The following NRCAM variants were observed in gnomAD, a reference collection of about 807,000 sequenced individuals.
The protein encoded by NRCAM is NgCAM-related cell adhesion molecule.
In NRCAM, 83 loss-of-function variants were observed where a neutral mutation model predicts 156.5. The observed-to-expected ratio is 0.53, with a 90% CI of 0.44 to 0.64. The LOEUF (loss-of-function observed/expected upper bound fraction) is 0.64, where lower values mean the gene tolerates loss of function less well. Ranked by LOEUF, NRCAM falls within the 30% of genes least tolerant of loss-of-function variation. The pLI is 0.00. For synonymous variants in NRCAM, 538 were observed against 563.9 expected (o/e 0.95, Z 0.65); for missense variants, 1,417 against 1,597.3 (o/e 0.89, Z 1.92).
chr7:108,175,914 C>T (rs1213105743), intron 27 of NRCAM, among the ~76,000 whole-genome samples: 1 of 152,070 alleles, frequency 6.6e-6, no homozygotes, highest in Non-Finnish European at 1.5e-5. Context: ...TGCTCAAACA[C>T]AAAATAAATG....
intron 2 of NRCAM, among the ~76,000 whole-genome samples, chr7:108,342,044 C>T (rs1257040788): frequency 6.6e-6 from 1 of 152,188 alleles, no homozygotes; most frequent in African/African-American, 2.4e-5. Context: ...TCCTTCGAAC[C>T]CAACGTCTCA....
chr7:108,348,806 CAGG>C (rs1420361147), intron 2 of NRCAM, among the ~76,000 whole-genome samples: 1 of 150,364 alleles, frequency 6.7e-6, no homozygotes, highest in Non-Finnish European at 1.5e-5. Context: ...GAGGCTGAGG[CAGG>C]AGAATCACTG....
intron 3 of NRCAM, among the ~76,000 whole-genome samples, chr7:108,291,961 A>G (rs188443684): frequency 1.1e-3 from 164 of 152,294 alleles, no homozygotes; most frequent in Non-Finnish European, 1.9e-3. Flanking sequence ...AGTTAAAGCT[A>G]AAGAATACAG....
At chr7:108,236,836 G>T (rs963689292) in intron 5 of NRCAM, among the ~76,000 whole-genome samples, 1 of 152,028 alleles carries the variant, frequency 6.6e-6, no homozygotes, top group South Asian at 2.1e-4. Context: ...AGGGAGTGGG[G>T]GAGGGGATTC....
chr7:108,308,741 A>T (rs993568192), intron 3 of NRCAM, among the ~76,000 whole-genome samples: 1 of 152,214 alleles, frequency 6.6e-6, no homozygotes, highest in African/African-American at 2.4e-5. Flanking sequence ...CTTCAGAAAC[A>T]GCTATCAAAC....
intron 25 of NRCAM, among the ~76,000 whole-genome samples, chr7:108,179,780 G>T (rs1476897539): frequency 6.6e-6 from 1 of 152,176 alleles, no homozygotes; most frequent in East Asian, 1.9e-4. Context: ...CACTAAGAAA[G>T]AAACTATAGA....
At chr7:108,426,088 C>A (rs1563755151) in intron 1 of NRCAM, among the ~76,000 whole-genome samples, 2 of 152,208 alleles carry the variant, frequency 1.3e-5, no homozygotes, top group Non-Finnish European at 2.9e-5. Context: ...TGAATGACTC[C>A]AGGCATGCCT....
intron 3 of NRCAM, among the ~76,000 whole-genome samples, chr7:108,244,538 G>T (rs1015094234): frequency 6.6e-6 from 1 of 152,174 alleles, no homozygotes; most frequent in Admixed American, 6.5e-5. Flanking sequence ...TGGAGGAAAG[G>T]TTAGAGAGAA....
rs749733465 is a variant in NRCAM, at chr7:108,181,843, T to C, written c.2625A>G (p.Arg875=). Reference sequence around the variant, plus strand: ...TTGCCCGATAGCCTTGTAGGTGTCCTCGGATGCTTTTCAGAGGTACTGGGT... The same window carrying C: ...TTGCCCGATAGCCTTGTAGGTGTCCCCGGATGCTTTTCAGAGGTACTGGGT... ...HWDPVPLKSI[R]GHLQGYRIYY... Residue 875 remains arginine, a synonymous_variant, in exon 24 of 33, where the codon CGA becomes CGG. Transcript: ENST00000379028. 6.2e-7 allele frequency: 1 copy of C among 1,614,032 alleles called. No individual in the cohort carries two copies. Among genetic ancestry groups the C allele is most frequent in the Non-Finnish European group, 8.5e-7 (1 of 1,179,938 alleles).
At chr7:108,234,290 A>AGG (rs1417565090) in intron 6 of NRCAM, among the ~76,000 whole-genome samples, 1 of 152,206 alleles carries the variant, frequency 6.6e-6, no homozygotes, top group Non-Finnish European at 1.5e-5. Context: ...GTTTTCAAGA[A>AGG]GAAAAAATGG....
At chr7:108,284,120 C>T (rs530067819) in intron 3 of NRCAM, among the ~76,000 whole-genome samples, 1 of 152,088 alleles carries the variant, frequency 6.6e-6, no homozygotes, top group Non-Finnish European at 1.5e-5. Flanking sequence ...TTATGCCCAG[C>T]CTCTCATTTC....
intron 3 of NRCAM, among the ~76,000 whole-genome samples, chr7:108,274,875 T>A (rs2097533910): frequency 6.6e-6 from 1 of 152,206 alleles, no homozygotes. Flanking sequence ...AGCTGTGGGT[T>A]TGTCATAAAG....
At chr7:108,228,317 A>G (rs565597534) in intron 8 of NRCAM, among the ~76,000 whole-genome samples, 50 of 138,024 alleles carry the variant, frequency 3.6e-4, no homozygotes, top group Non-Finnish European at 7.0e-4. Flanking sequence ...GCGAGACTCC[A>G]TCTAAAACAA....
At chr7:108,295,156 C>T (rs2098426952) in intron 3 of NRCAM, among the ~76,000 whole-genome samples, 1 of 152,106 alleles carries the variant, frequency 6.6e-6, no homozygotes, top group South Asian at 2.1e-4. Flanking sequence ...AATTCTGTGT[C>T]ATTTGGGATT....
At position 108,359,028 on chromosome 7, in the gene NRCAM, T is replaced by C. The variant is rs535940428; in HGVS notation, c.-174+40408A>G. On this transcript the variant is annotated intron_variant, in intron 2 of 32. Transcript: ENST00000379028. ...AGAGTTATACTCACCTCCTACCATA[T>C]TTTGTCTAGTTCATTACACCTTTTA... 3.3e-5 allele frequency among the ~76,000 whole-genome samples: 5 copies of C among 152,328 alleles called. No homozygotes were observed. In the South Asian group the frequency reaches 1.0e-3, roughly 32 times the overall value.
chr7:108,207,706 A>T (rs753119010), intron 12 of NRCAM, 47 bp from the exon 13 acceptor site: 1 of 1,532,790 alleles, frequency 6.5e-7, no homozygotes, highest in East Asian at 2.3e-5. Flanking sequence ...TCAAATAAGC[A>T]TTTTAGCAAA....
intron 1 of NRCAM, among the ~76,000 whole-genome samples, chr7:108,450,961 G>A (rs1849593887): frequency 1.3e-5 from 2 of 152,204 alleles, no homozygotes; most frequent in Admixed American, 1.3e-4. Flanking sequence ...ACTCACGCTT[G>A]TAATCTCAGC....
intron 3 of NRCAM, among the ~76,000 whole-genome samples, chr7:108,273,724 T>G (rs1217222048): frequency 2.0e-5 from 3 of 152,240 alleles, no homozygotes; most frequent in African/African-American, 7.2e-5. Context: ...TTTCTTTTGC[T>G]GTGCAGAAGC....
intron 28 of NRCAM, among the ~76,000 whole-genome samples, chr7:108,174,670 T>C (rs962015648): frequency 1.3e-5 from 2 of 152,206 alleles, no homozygotes; most frequent in Admixed American, 6.5e-5. Context: ...CAAAATCCAT[T>C]GTGGATTGTT....
Sources: allele counts gnomAD v4.1 joint callset (sites outside exome capture counted in the v4.1 genomes callset), GRCh38; gene constraint gnomAD v4.1.1; transcripts MANE v1.5; gene names NCBI Gene and HGNC (gene_info 2026-07-23, HGNC 2026-07-21).